PLCB1: variants seen among roughly 807,000 people sequenced by gnomAD.
PLCB1 encodes the protein 1-phosphatidylinositol 4,5-bisphosphate phosphodiesterase beta-1.
PLCB1 carries 46 observed loss-of-function variants against 161.8 expected under a neutral mutation model. That is an observed-to-expected ratio of 0.28 (90% CI 0.22 to 0.36). PLCB1 has a LOEUF of 0.36. Ranked by LOEUF, PLCB1 falls within the 10% of genes least tolerant of loss-of-function variation. The pLI is 1.00. For missense variants in PLCB1, 1,016 were observed against 1,472.5 expected, an observed-to-expected ratio of 0.69 and a Z score of 5.07; for synonymous variants, 517 against 503.7, an observed-to-expected ratio of 1.03 and a Z score of -0.35.
intron 3 of PLCB1, among the ~76,000 whole-genome samples, chr20:8,414,501 C>T (rs1217924125): frequency 2.0e-5 from 3 of 151,688 alleles, no homozygotes; most frequent in East Asian, 1.9e-4. Context: ...TGTATGAATG[C>T]GTAAGAGAAG....
At chr20:8,790,094 T>C (rs1983678785) in intron 30 of PLCB1, 81 bp from the exon 31 acceptor site, 3 of 908,366 alleles carry the variant, frequency 3.3e-6, no homozygotes, top group Non-Finnish European at 5.3e-6. Flanking sequence ...GCCATAGATC[T>C]GAAAAGCTTT....
At chr20:8,713,650 G>A (rs1415236462) in intron 12 of PLCB1, among the ~76,000 whole-genome samples, 1 of 152,162 alleles carries the variant, frequency 6.6e-6, no homozygotes, top group African/African-American at 2.4e-5. Context: ...AAGACCCCAG[G>A]TAACGTGAAT....
intron 3 of PLCB1, among the ~76,000 whole-genome samples, chr20:8,375,175 T>C (rs556261894): frequency 5.3e-5 from 8 of 152,342 alleles, no homozygotes; most frequent in Non-Finnish European, 1.5e-5. Flanking sequence ...AAAAACACTG[T>C]ATCCTTTGAA....
chr20:8,802,118 C>T, intron 31 of PLCB1: 1 of 1,611,630 alleles, frequency 6.2e-7, no homozygotes, highest in Non-Finnish European at 8.5e-7. Flanking sequence ...TTTCCCCCAA[C>T]TTTACTCCCC....
intron 4 of PLCB1, 147 bp downstream of exon 4, chr20:8,628,578 G>A (rs1476702845): frequency 2.7e-6 from 2 of 733,528 alleles, no homozygotes; most frequent in Non-Finnish European, 2.2e-6. Flanking sequence ...AAGTATAAGT[G>A]CAATTAAAAT....
chr20:8,795,908 G>A (rs1396099103), intron 31 of PLCB1, among the ~76,000 whole-genome samples: 7 of 102,982 alleles, frequency 6.8e-5, no homozygotes, highest in African/African-American at 1.8e-4. Flanking sequence ...AAGAAAACAC[G>A]GTTAGTCACA....
At chr20:8,557,357 A>G (rs1985998098) in intron 3 of PLCB1, among the ~76,000 whole-genome samples, 1 of 152,078 alleles carries the variant, frequency 6.6e-6, no homozygotes, top group South Asian at 2.1e-4. Context: ...ATGGAATATG[A>G]TTCAGCCTTC....
intron 31 of PLCB1, among the ~76,000 whole-genome samples, chr20:8,879,388 C>T (rs558092165): frequency 3.6e-4 from 55 of 151,404 alleles, no homozygotes; most frequent in African/African-American, 1.1e-3. Context: ...TTTAACTTTT[C>T]TGATTTTAGA....
chr20:8,169,940 A>G (rs983999462), intron 2 of PLCB1, among the ~76,000 whole-genome samples: 5 of 152,224 alleles, frequency 3.3e-5, no homozygotes, highest in African/African-American at 1.2e-4. Flanking sequence ...CTTTGAAAAC[A>G]GGTGCCATGT....
chr20:8,141,790 A>C (rs1309028017), intron 1 of PLCB1: 1 of 152,302 alleles, frequency 6.6e-6, no homozygotes, highest in Non-Finnish European at 1.5e-5. Flanking sequence ...TGCATTCAGC[A>C]AGACTCTTTA....
intron 31 of PLCB1, among the ~76,000 whole-genome samples, chr20:8,839,184 C>G (rs982006317): frequency 6.6e-6 from 1 of 152,182 alleles, no homozygotes; most frequent in African/African-American, 2.4e-5. Flanking sequence ...AGTTTAGGGA[C>G]CTTCTACCTC....
Position 8,657,216 on chromosome 20 carries a change from A to G in PLCB1, c.627A>G (p.Pro209=), listed in dbSNP as rs151006778. Residue 209 remains proline (P), a synonymous_variant, in exon 8 of 32, where the codon CCA becomes CCG. Transcript: ENST00000338037. ...NDSIPQEDFT[P]EVYRVFLNNL... is the part of the protein sequence containing the mutation. ...CAATACCTCAAGAAGATTTCACTCCAGAAGTGTACAGAGTTTTCCTCAACA... is the reference window on the plus strand; with the variant it reads ...CAATACCTCAAGAAGATTTCACTCCGGAAGTGTACAGAGTTTTCCTCAACA... The G allele has an allele frequency of 8.5e-4, 1,371 of 1,609,810 alleles. 33 individuals are homozygous for G. The East Asian group carries it at 0.023, about 27-fold the overall frequency.
chr20:8,828,716 T>C (rs1035585808), intron 31 of PLCB1, among the ~76,000 whole-genome samples: 3 of 152,180 alleles, frequency 2.0e-5, no homozygotes, highest in Non-Finnish European at 4.4e-5. Flanking sequence ...GCCAACCTAT[T>C]TGATAATGTT....
intron 3 of PLCB1, among the ~76,000 whole-genome samples, chr20:8,445,672 T>C (rs1406632269): frequency 1.3e-5 from 2 of 152,160 alleles, no homozygotes; most frequent in African/African-American, 4.8e-5. Context: ...ATTCTTCCTA[T>C]CCATGAGCAT....
At chr20:8,651,260 T>A (rs954611299) in intron 7 of PLCB1, among the ~76,000 whole-genome samples, 1 of 152,206 alleles carries the variant, frequency 6.6e-6, no homozygotes, top group Admixed American at 6.5e-5. Context: ...CTTAGACTTA[T>A]GATTGAATTA....
chr20:8,229,312 A>T (rs970778144), intron 2 of PLCB1, among the ~76,000 whole-genome samples: 1 of 152,140 alleles, frequency 6.6e-6, no homozygotes, highest in African/African-American at 2.4e-5. Context: ...ATAATTATTA[A>T]TTTAAATAGA....
chr20:8,776,139 G>T (rs8124751), intron 27 of PLCB1, among the ~76,000 whole-genome samples: 1 of 152,102 alleles, frequency 6.6e-6, no homozygotes, highest in Admixed American at 6.6e-5. Context: ...AATAGTGGCC[G>T]CATATTAAGC....
At chr20:8,403,630 C>G in intron 3 of PLCB1, among the ~76,000 whole-genome samples, 1 of 151,670 alleles carries the variant, frequency 6.6e-6, no homozygotes, top group Middle Eastern at 3.4e-3. Flanking sequence ...TGTAGTGACA[C>G]GTACCTGTAG....
At chr20:8,561,324 A>G (rs565934548) in intron 3 of PLCB1, among the ~76,000 whole-genome samples, 1 of 152,136 alleles carries the variant, frequency 6.6e-6, no homozygotes, top group African/African-American at 2.4e-5. Flanking sequence ...ATAATTATGA[A>G]CCGTATAACT....
Sources: gnomAD v4.1 joint callset for allele counts (sites outside exome capture counted in the v4.1 genomes callset) on GRCh38, gnomAD v4.1.1 for gene constraint, MANE v1.5 for transcripts, NCBI Gene and HGNC (gene_info 2026-07-23, HGNC 2026-07-21) for gene names.